Variants in SAMTOR observed in about 807,000 individuals in gnomAD.
SAMTOR encodes the protein UPF0532 protein C7orf60.
the SAMTOR span, among the ~76,000 whole-genome samples, chr7:112,883,085 A>G: frequency 1.3e-5 from 2 of 152,208 alleles, no homozygotes; most frequent in Non-Finnish European, 2.9e-5. Context: ...TCTTTTAAGA[A>G]TATGTCCAAT....
At chr7:112,898,838 C>T in the SAMTOR span, among the ~76,000 whole-genome samples, 2 of 152,196 alleles carry the variant, frequency 1.3e-5, no homozygotes, top group African/African-American at 4.8e-5. Context: ...GCTGGGAATT[C>T]AGCAATCTGC....
the SAMTOR span, among the ~76,000 whole-genome samples, chr7:112,824,786 C>T: frequency 0.41 from 61,789 of 152,018 alleles, 15,706 homozygotes; most frequent in African/African-American, 0.72. Context: ...AAATCACGTA[C>T]GTAAGTTTGG....
At chr7:112,846,935 G>A in the SAMTOR span, among the ~76,000 whole-genome samples, 18 of 152,210 alleles carry the variant, frequency 1.2e-4, no homozygotes, top group African/African-American at 3.6e-4. Flanking sequence ...GCTTATAATT[G>A]TTTCTCAAGA....
At chr7:112,902,449 CA>C in the SAMTOR span, among the ~76,000 whole-genome samples, 1 of 54,934 alleles carries the variant, frequency 1.8e-5, no homozygotes, top group African/African-American at 7.2e-5. Flanking sequence ...CAAAAAAAAA[CA>C]AAAAAAAAAA....
At chr7:112,822,300 G>A in the SAMTOR span, 2 of 1,613,362 alleles carry the variant, frequency 1.2e-6, no homozygotes, top group African/African-American at 1.3e-5. Context: ...CTTCAAAAAA[G>A]CATCTATAGC....
the SAMTOR span, among the ~76,000 whole-genome samples, chr7:112,854,084 C>T: frequency 3.9e-5 from 6 of 152,012 alleles, no homozygotes; most frequent in East Asian, 1.2e-3. Context: ...TTACTAGATA[C>T]CTGAGATGAC....
chr7:112,919,458 G>A, the SAMTOR span, among the ~76,000 whole-genome samples: 1 of 151,336 alleles, frequency 6.6e-6, no homozygotes, highest in Admixed American at 6.6e-5. Flanking sequence ...AGTGTGTAGA[G>A]GGAAATTTAT....
the SAMTOR span, among the ~76,000 whole-genome samples, chr7:112,846,702 G>C: frequency 6.6e-6 from 1 of 152,122 alleles, no homozygotes; most frequent in African/African-American, 2.4e-5. Flanking sequence ...AACTTCTAAC[G>C]AGTACACCAG....
chr7:112,862,386 C>T, the SAMTOR span, among the ~76,000 whole-genome samples: 2 of 152,188 alleles, frequency 1.3e-5, no homozygotes, highest in African/African-American at 4.8e-5. Context: ...TTAGAGTTAA[C>T]TTAATCATGA....
At chr7:112,915,846 G>A in the SAMTOR span, among the ~76,000 whole-genome samples, 1 of 152,134 alleles carries the variant, frequency 6.6e-6, no homozygotes, top group Non-Finnish European at 1.5e-5. Context: ...TAATTTTCCT[G>A]TTACTGTTGG....
At chr7:112,914,129 T>C in the SAMTOR span, among the ~76,000 whole-genome samples, 1 of 152,164 alleles carries the variant, frequency 6.6e-6, no homozygotes, top group Non-Finnish European at 1.5e-5. Flanking sequence ...GAATGAAATA[T>C]GCATTATTAC....
chr7:112,881,042 C>T, the SAMTOR span, among the ~76,000 whole-genome samples: 13 of 152,270 alleles, frequency 8.5e-5, no homozygotes, highest in Admixed American at 3.9e-4. Flanking sequence ...GGCATCCCTG[C>T]GCTCTTGGGG....
At chr7:112,877,294 T>C in the SAMTOR span, among the ~76,000 whole-genome samples, 1 of 152,246 alleles carries the variant, frequency 6.6e-6, no homozygotes, top group Admixed American at 6.5e-5. Context: ...CCATAAATAA[T>C]TATAGTAAAA....
chr7:112,898,572 T>C, the SAMTOR span, among the ~76,000 whole-genome samples: 1 of 152,200 alleles, frequency 6.6e-6, no homozygotes, highest in Non-Finnish European at 1.5e-5. Context: ...TCCTCTGCCC[T>C]GGGGGGATGG....
At chr7:112,858,354 C>G in the SAMTOR span, among the ~76,000 whole-genome samples, 17 of 150,994 alleles carry the variant, frequency 1.1e-4, no homozygotes, top group African/African-American at 4.1e-4. Context: ...GAAGACCACA[C>G]TAGATACAGA....
chr7:112,882,097 G>C, the SAMTOR span, among the ~76,000 whole-genome samples: 1 of 152,198 alleles, frequency 6.6e-6, no homozygotes, highest in African/African-American at 2.4e-5. Flanking sequence ...AGCTGCTTGT[G>C]GTACACTGGA....
chr7:112,842,009 T>A, the SAMTOR span, among the ~76,000 whole-genome samples: 1 of 152,074 alleles, frequency 6.6e-6, no homozygotes, highest in Non-Finnish European at 1.5e-5. Context: ...AATTCTAATA[T>A]ACAAAGCCTT....
At chr7:112,904,566 A>T in the SAMTOR span, among the ~76,000 whole-genome samples, 1 of 150,370 alleles carries the variant, frequency 6.7e-6, no homozygotes, top group African/African-American at 2.4e-5. Context: ...TTTAATGCTT[A>T]TATCAATACA....
the SAMTOR span, among the ~76,000 whole-genome samples, chr7:112,916,800 C>T: frequency 6.6e-6 from 1 of 152,246 alleles, no homozygotes; most frequent in African/African-American, 2.4e-5. Flanking sequence ...TATCCCACAC[C>T]TGACTCGGAG....
Sources: gnomAD v4.1 joint callset for allele counts (sites outside exome capture counted in the v4.1 genomes callset) on GRCh38, gnomAD v4.1.1 for gene constraint, MANE v1.5 for transcripts, NCBI Gene and HGNC (gene_info 2026-07-23, HGNC 2026-07-21) for gene names.